The following MARCHF8 variants were observed in gnomAD, a reference collection of about 807,000 sequenced individuals.
The protein encoded by MARCHF8 is E3 ubiquitin-protein ligase MARCHF8.
Under a neutral mutation model 51.6 loss-of-function variants are expected in MARCHF8, and 40 were observed. That is an observed-to-expected ratio of 0.77 (90% CI 0.60 to 1.01). The LOEUF is 1.01. MARCHF8 is among the 50% of genes least tolerant of loss of function. The pLI, the probability that MARCHF8 is intolerant of heterozygous loss-of-function variation, is 0.00. For missense variants in MARCHF8, 685 were observed against 708.6 expected (o/e 0.97, Z 0.38); for synonymous variants, 263 against 280.3 (o/e 0.94, Z 0.62).
chr10:45,580,384 T>G (rs1287505799), intron 1 of MARCHF8, among the ~76,000 whole-genome samples: 1 of 152,208 alleles, frequency 6.6e-6, no homozygotes, highest in East Asian at 1.9e-4. Flanking sequence ...AAGTAGGGAA[T>G]ATGAACACCT....
intron 1 of MARCHF8, among the ~76,000 whole-genome samples, chr10:45,568,919 G>A (rs1157628582): frequency 6.6e-6 from 1 of 151,258 alleles, no homozygotes; most frequent in Non-Finnish European, 1.5e-5. Context: ...ATACAAAAAA[G>A]CCGGGTGTGG....
intron 3 of MARCHF8, among the ~76,000 whole-genome samples, chr10:45,469,851 T>C (rs550586744): frequency 1.3e-4 from 13 of 100,484 alleles, no homozygotes; most frequent in South Asian, 3.4e-4. Flanking sequence ...GGCGACAGAG[T>C]GAGACTCCGT....
intron 1 of MARCHF8, among the ~76,000 whole-genome samples, chr10:45,575,277 CACTCCCACCT>C (rs1489752197): frequency 2.6e-5 from 4 of 152,130 alleles, no homozygotes; most frequent in Non-Finnish European, 5.9e-5. Flanking sequence ...CTCATCTGGC[CACTCCCACCT>C]ACTCCCCCAC....
intron 1 of MARCHF8, among the ~76,000 whole-genome samples, chr10:45,572,723 T>C (rs1256066004): frequency 6.6e-6 from 1 of 152,072 alleles, no homozygotes; most frequent in African/African-American, 2.4e-5. Flanking sequence ...CCCAAGCGTC[T>C]CTGAGTCTTT....
chr10:45,559,077 T>C (rs1353424797), intron 1 of MARCHF8, among the ~76,000 whole-genome samples: 2 of 152,224 alleles, frequency 1.3e-5, no homozygotes, highest in South Asian at 2.1e-4. Context: ...AGGAGGAATA[T>C]GTATTTTAGG....
At chr10:45,550,374 G>C (rs541352536) in intron 1 of MARCHF8, among the ~76,000 whole-genome samples, 3 of 152,294 alleles carry the variant, frequency 2.0e-5, no homozygotes, top group African/African-American at 7.2e-5. Context: ...TTAGTAGGCT[G>C]ACAGAGGAAG....
intron 1 of MARCHF8, among the ~76,000 whole-genome samples, chr10:45,547,748 T>A (rs909262070): frequency 6.6e-6 from 1 of 152,194 alleles, no homozygotes; most frequent in Non-Finnish European, 1.5e-5. Flanking sequence ...GAAGACAACA[T>A]GGAATTCACA....
At chr10:45,539,105 T>G (rs1157259837), upstream of MARCHF8, among the ~76,000 whole-genome samples, 1 of 152,060 alleles carries the variant, frequency 6.6e-6, no homozygotes, top group Non-Finnish European at 1.5e-5. Flanking sequence ...GAACAGAAAT[T>G]ATAACAAACT....
chr10:45,555,743 C>CAAAAA (rs34811393), intron 1 of MARCHF8, among the ~76,000 whole-genome samples: 3 of 96,130 alleles, frequency 3.1e-5, no homozygotes, highest in African/African-American at 1.2e-4. Flanking sequence ...GACCCTGTCT[C>CAAAAA]AAAAAAAAAA....
intron 1 of MARCHF8, among the ~76,000 whole-genome samples, chr10:45,566,830 G>A (rs547850751): frequency 6.5e-4 from 99 of 152,180 alleles, no homozygotes; most frequent in African/African-American, 2.3e-3. Flanking sequence ...CATACGATAG[G>A]TCAATTTTTA....
chr10:45,461,333 G>C lies in MARCHF8; in HGVS notation c.1167C>G (p.His389Gln). 2 of 1,608,038 alleles carry C rather than the reference G, an allele frequency of 1.2e-6. No homozygotes were observed. The highest frequency in any genetic ancestry group is 1.7e-6 in the Non-Finnish European group (2 of 1,177,640). The change falls in exon 6 of 8, where the codon CAC (histidine) becomes CAG (glutamine). Residue 389 changes from histidine (H) to glutamine (Q), a missense_variant. Physicochemically the swap from His to Gln is conservative, Grantham distance 24. Transcript: ENST00000453424. The stretch of plus-strand genomic sequence containing the variant: ...TGATCCACTGCTGCAGGCAGGCCTG[G>C]TGCACGAAGTGGAGGCTTCCTGTGC... ...CHCTGSLHFV[H>Q]QACLQQWIKS...
intron 1 of MARCHF8, among the ~76,000 whole-genome samples, chr10:45,545,912 G>C (rs929734884): frequency 1.3e-5 from 2 of 152,172 alleles, no homozygotes; most frequent in South Asian, 2.1e-4. Context: ...AAGCTATAAA[G>C]CTATAAAGAT....
chr10:45,552,676 G>C (rs1458516074), intron 1 of MARCHF8, among the ~76,000 whole-genome samples: 6 of 152,184 alleles, frequency 3.9e-5, no homozygotes, highest in Non-Finnish European at 5.9e-5. Flanking sequence ...CTAGGAACTG[G>C]AAAATTTTAG....
chr10:45,507,175 A>G (rs1057265500), intron 2 of MARCHF8, among the ~76,000 whole-genome samples: 1 of 152,248 alleles, frequency 6.6e-6, no homozygotes, highest in Non-Finnish European at 1.5e-5. Context: ...TGAGACTACT[A>G]GAACAATGGT....
intron 2 of MARCHF8, among the ~76,000 whole-genome samples, chr10:45,496,933 C>T (rs2043184178): frequency 6.6e-6 from 1 of 151,792 alleles, no homozygotes; most frequent in South Asian, 2.1e-4. Context: ...AATGGCAAGA[C>T]ACATAGAAAA....
chr10:45,505,676 C>A (rs1325896258), intron 2 of MARCHF8, among the ~76,000 whole-genome samples: 1 of 152,208 alleles, frequency 6.6e-6, no homozygotes, highest in Non-Finnish European at 1.5e-5. Context: ...AATTTGGGAC[C>A]TCCAACAAAT....
chr10:45,578,233 G>A lies in MARCHF8; in HGVS notation c.-79+16002C>T, dbSNP rs145587769. 3.6e-3 allele frequency among the ~76,000 whole-genome samples: 549 copies of A among 152,192 alleles called. 3 individuals carry two copies. The highest frequency in any genetic ancestry group is 0.013 in the African/African-American group (521 of 41,516). On this transcript the variant is annotated intron_variant, in intron 1 of 6. Coordinates refer to the MARCHF8 transcript ENST00000319836. ...ACTCCTCGAAGAAAAGCTGATTTGA[G>A]GGGTGGGCCATACAAAATGAGCCCA...
intron 2 of MARCHF8, among the ~76,000 whole-genome samples, chr10:45,496,039 G>GA (rs959786776): frequency 6.6e-6 from 1 of 151,158 alleles, no homozygotes; most frequent in East Asian, 1.9e-4. Context: ...AGAACTCAAA[G>GA]AAAAAAAATG....
At chr10:45,516,440 G>T (rs1032466353) in intron 2 of MARCHF8, among the ~76,000 whole-genome samples, 3 of 152,080 alleles carry the variant, frequency 2.0e-5, no homozygotes, top group Non-Finnish European at 4.4e-5. Flanking sequence ...GTGAGCCACT[G>T]TGCCTGGCTC....
Sources: allele counts gnomAD v4.1 joint callset (sites outside exome capture counted in the v4.1 genomes callset), GRCh38; gene constraint gnomAD v4.1.1; transcripts MANE v1.5; gene names NCBI Gene and HGNC (gene_info 2026-07-23, HGNC 2026-07-21).